The following PCDH15 variants were observed in gnomAD, a reference collection of about 807,000 sequenced individuals.
PCDH15 encodes protocadherin related 15, also known as protocadherin-15.
PCDH15 carries 129 observed loss-of-function variants against 178.5 expected under a neutral mutation model. That is an observed-to-expected ratio of 0.72 (90% confidence interval 0.63 to 0.84). The LOEUF is 0.84. Among genes scored for constraint, PCDH15 ranks in the 40% least tolerant of loss-of-function variants. PCDH15 has a pLI of 0.00. For synonymous variants in PCDH15, 800 were observed against 732.0 expected, an observed-to-expected ratio of 1.09 and a Z score of -1.50; for missense variants, 2,230 against 2,099.9, an observed-to-expected ratio of 1.06 and a Z score of -1.21.
Position 55,021,287 on chromosome 10 carries a change from G to C in PCDH15, c.-79-123787C>G, listed in dbSNP as rs181558828. 1.4e-4 allele frequency among the ~76,000 whole-genome samples: 21 copies of C among 152,230 alleles called. No individual in the cohort carries two copies. In the East Asian group the frequency reaches 4.1e-3, roughly 29 times the overall value. Reference sequence around the variant, plus strand: ...ATTTTTCTCCAAAAGACTTAACATGGTGTTTCTCTGATGGGGGACATTTAG... The same window carrying C: ...ATTTTTCTCCAAAAGACTTAACATGCTGTTTCTCTGATGGGGGACATTTAG... On this transcript the variant is annotated intron_variant, in intron 2 of 5. Transcript: ENST00000458638.
At chr10:55,139,457 T>C (rs924906557) in intron 2 of PCDH15, among the ~76,000 whole-genome samples, 1 of 152,076 alleles carries the variant, frequency 6.6e-6, no homozygotes, top group Non-Finnish European at 1.5e-5. Flanking sequence ...GTTAATGATG[T>C]GAATGAGGTA....
chr10:53,971,952 T>C (rs1589697806), intron 21 of PCDH15, among the ~76,000 whole-genome samples: 2 of 96,666 alleles, frequency 2.1e-5, no homozygotes, highest in African/African-American at 7.0e-5. Flanking sequence ...AAATTTCATA[T>C]GGAACCAAAA....
At chr10:53,969,873 A>C (rs1054010213) in intron 21 of PCDH15, among the ~76,000 whole-genome samples, 1 of 152,218 alleles carries the variant, frequency 6.6e-6, no homozygotes, top group African/African-American at 2.4e-5. Context: ...TAAACATGGA[A>C]AGGAACAACC....
chr10:55,335,016 T>C (rs897283451), intron 2 of PCDH15, among the ~76,000 whole-genome samples: 3 of 152,164 alleles, frequency 2.0e-5, no homozygotes, highest in Non-Finnish European at 4.4e-5. Flanking sequence ...AATTTATATT[T>C]AGGTAGTCAA....
At chr10:54,708,816 G>T in intron 1 of PCDH15, among the ~76,000 whole-genome samples, 1 of 151,832 alleles carries the variant, frequency 6.6e-6, no homozygotes, top group Non-Finnish European at 1.5e-5. Flanking sequence ...GCGCGTGCGT[G>T]TGGTCATCTT....
chr10:55,127,641 G>A (rs1197621010), intron 2 of PCDH15, among the ~76,000 whole-genome samples: 1 of 152,064 alleles, frequency 6.6e-6, no homozygotes, highest in African/African-American at 2.4e-5. Context: ...AAAGATAGCT[G>A]CTGAATTTAC....
chr10:54,675,457 G>GT (rs1277372521), intron 1 of PCDH15, among the ~76,000 whole-genome samples: 4 of 109,736 alleles, frequency 3.6e-5, no homozygotes, highest in Non-Finnish European at 5.8e-5. Flanking sequence ...GCCTTTTCAT[G>GT]TTGTTTTTTT....
intron 2 of PCDH15, among the ~76,000 whole-genome samples, chr10:55,050,935 C>T (rs1841146413): frequency 6.6e-6 from 1 of 152,016 alleles, no homozygotes; most frequent in Non-Finnish European, 1.5e-5. Flanking sequence ...AGTAATGTTT[C>T]TAATAGTATG....
At chr10:54,366,144 G>T (rs1406901389) in intron 5 of PCDH15, among the ~76,000 whole-genome samples, 2 of 152,014 alleles carry the variant, frequency 1.3e-5, no homozygotes, top group Non-Finnish European at 2.9e-5. Context: ...TTATACTACT[G>T]CTCCAGTTCT....
At chr10:53,830,364 A>C (rs2076947481) in intron 30 of PCDH15, among the ~76,000 whole-genome samples, 1 of 151,626 alleles carries the variant, frequency 6.6e-6, no homozygotes, top group Non-Finnish European at 1.5e-5. Flanking sequence ...CTCTGTAGGT[A>C]GTTTAAATGA....
intron 2 of PCDH15, among the ~76,000 whole-genome samples, chr10:55,155,412 C>T (rs970973674): frequency 8.3e-5 from 12 of 144,080 alleles, no homozygotes; most frequent in African/African-American, 3.1e-4. Context: ...TTAATGAACA[C>T]TAAAGTTCCA....
intron 1 of PCDH15, among the ~76,000 whole-genome samples, chr10:54,719,081 C>A (rs2095514799): frequency 6.6e-6 from 1 of 150,992 alleles, no homozygotes; most frequent in African/African-American, 2.4e-5. Flanking sequence ...TTTAAAGAAG[C>A]TCAATGAAAT....
intron 2 of PCDH15, among the ~76,000 whole-genome samples, chr10:55,443,004 G>T (rs1589032158): frequency 6.6e-6 from 1 of 152,024 alleles, no homozygotes; most frequent in South Asian, 2.1e-4. Context: ...TCGTTATCTT[G>T]GTAGTCATAA....
At position 55,059,948 on chromosome 10, in the gene PCDH15, T is replaced by C. The variant is rs1564758107; in HGVS notation, c.-80+106628A>G. 2.0e-5 allele frequency among the ~76,000 whole-genome samples: 3 copies of C among 151,516 alleles called. No individual in the cohort carries two copies. In the East Asian group the frequency reaches 5.9e-4, roughly 30 times the overall value. On this transcript the variant is annotated intron_variant, in intron 2 of 5. Transcript: ENST00000458638. ...AAACTGAGGCTAAATATCCACTTGG[T>C]AATGCAAATGTTTCTGAATGTATTG...
chr10:55,365,474 T>A lies in PCDH15; in HGVS notation c.-155-198823A>T, dbSNP rs148797165. Among the ~76,000 whole-genome samples, 345 of 152,198 alleles carry A rather than the reference T, an allele frequency of 2.3e-3. 3 individuals carry two copies. Among genetic ancestry groups the A allele is most frequent in the African/African-American group, 7.8e-3 (323 of 41,550 alleles). ...GTGAGTGAGCATGATCTTCCCACAT[T>A]AATCTTTCAGATAATGGCAACCTAG... On this transcript the variant is annotated intron_variant, in intron 2 of 5. Transcript: ENST00000613346.
intron 15 of PCDH15, among the ~76,000 whole-genome samples, chr10:54,116,542 C>T (rs1179089192): frequency 6.6e-6 from 1 of 152,086 alleles, no homozygotes; most frequent in Non-Finnish European, 1.5e-5. Context: ...GTAAGAAGCA[C>T]ATAGGGAAAT....
At chr10:54,383,928 C>T (rs1365150312) in intron 3 of PCDH15, among the ~76,000 whole-genome samples, 4 of 151,592 alleles carry the variant, frequency 2.6e-5, no homozygotes, top group East Asian at 1.9e-4. Context: ...AAGCGATTCT[C>T]GTGACTCAGC....
chr10:55,101,371 A>G (rs1842572107), intron 2 of PCDH15, among the ~76,000 whole-genome samples: 1 of 151,564 alleles, frequency 6.6e-6, no homozygotes, highest in South Asian at 2.1e-4. Context: ...CCTGGGTGAC[A>G]GAGCAAGATT....
At chr10:55,303,024 T>C (rs1489781153) in intron 1 of PCDH15, among the ~76,000 whole-genome samples, 1 of 151,970 alleles carries the variant, frequency 6.6e-6, no homozygotes, top group Non-Finnish European at 1.5e-5. Flanking sequence ...TGCTATGATA[T>C]GAAGTCAATA....
Sources: allele counts gnomAD v4.1 joint callset (sites outside exome capture counted in the v4.1 genomes callset), GRCh38; gene constraint gnomAD v4.1.1; transcripts MANE v1.5; gene names NCBI Gene and HGNC (gene_info 2026-07-23, HGNC 2026-07-21).